Variants in MYH14 observed in about 807,000 individuals in gnomAD.
MYH14 encodes the protein myosin-14.
Under a neutral mutation model 255.5 loss-of-function variants are expected in MYH14, and 123 were observed. The observed-to-expected ratio is 0.48, with a 90% CI of 0.42 to 0.56. The LOEUF (loss-of-function observed/expected upper bound fraction) is 0.56, where lower values mean the gene tolerates loss of function less well. MYH14 is among the 20% of genes least tolerant of loss of function. The pLI is 0.00. For missense variants in MYH14, 2,423 were observed against 2,802.3 expected (o/e 0.86, Z 3.06); for synonymous variants, 1,095 against 1,161.2 (o/e 0.94, Z 1.16).
chr19:50,296,571 C>T (rs977988982), intron 39 of MYH14, among the ~76,000 whole-genome samples: 1 of 152,136 alleles, frequency 6.6e-6, no homozygotes. Flanking sequence ...TGTGCCACTC[C>T]ACTCCAGCCT....
chr19:50,300,535 G>A (rs1349501238), intron 39 of MYH14, among the ~76,000 whole-genome samples: 5 of 152,030 alleles, frequency 3.3e-5, no homozygotes. Context: ...GATCACTTGA[G>A]GTCAGGAGTT....
rs1372234338 is a variant in MYH14 at position 50,244,227 on chromosome 19, T to TCCTTGC, written c.1115-14_1115-9dup. 6.2e-7 allele frequency: 1 copy of TCCTTGC among 1,613,516 alleles called. No homozygotes were observed. Among genetic ancestry groups the TCCTTGC allele is most frequent in the East Asian group, 2.2e-5 (1 of 44,868 alleles). ...GGTCCAGAGCCACACGTGACCTCTGTCCTTGCGTCCCCAGCCATGCTGCGG... is the reference window on the plus strand; with the variant it reads ...GGTCCAGAGCCACACGTGACCTCTGTCCTTGCCCTTGCGTCCCCAGCCATGCTGCGG... On this transcript the variant is annotated splice_polypyrimidine_tract_variant and intron_variant, in intron 10 of 42. Transcript: ENST00000642316.
intron 40 of MYH14, 60 bp from the exon 41 acceptor site, chr19:50,306,989 T>C: frequency 8.0e-7 from 1 of 1,246,820 alleles, no homozygotes; most frequent in Non-Finnish European, 1.1e-6. Flanking sequence ...CATGAGTCTA[T>C]GGGGACAAAA....
chr19:50,265,996 T>G (rs1238224270), intron 22 of MYH14, among the ~76,000 whole-genome samples: 1 of 152,094 alleles, frequency 6.6e-6, no homozygotes, highest in Non-Finnish European at 1.5e-5. Context: ...ATGTGAATGA[T>G]ACCTGCGAAA....
intron 33 of MYH14, among the ~76,000 whole-genome samples, chr19:50,283,293 TG>T (rs2035785832): frequency 1.3e-5 from 2 of 152,156 alleles, no homozygotes; most frequent in South Asian, 4.1e-4. Context: ...CTAATTTTTG[TG>T]TTTTTAATAG....
chr19:50,302,030 C>T (rs986483653), intron 40 of MYH14, among the ~76,000 whole-genome samples, 161 bp downstream of exon 40: 2 of 150,094 alleles, frequency 1.3e-5, no homozygotes, highest in African/African-American at 4.9e-5. Flanking sequence ...GTAATCCCAG[C>T]ACTTTGGGAG....
intron 35 of MYH14, among the ~76,000 whole-genome samples, chr19:50,289,875 T>G (rs1354218151): frequency 2.0e-5 from 3 of 151,944 alleles, no homozygotes; most frequent in Admixed American, 2.0e-4. Context: ...TTTCTGCCAG[T>G]CTCTCGTGCC....
Position 50,230,113 on chromosome 19 carries a change from A to G in MYH14, c.875-412A>G, listed in dbSNP as rs1387979130. 6.6e-6 allele frequency among the ~76,000 whole-genome samples: 1 copy of G among 152,108 alleles called. No individual in the cohort carries two copies. The highest frequency in any genetic ancestry group is 1.5e-5 in the Non-Finnish European group (1 of 68,018). Reference sequence around the variant, plus strand: ...TTTTTAGTAGAGATGGGATTTTGCCATGTTGGCCAGGCTGGTCTTGAACTC... The same window carrying G: ...TTTTTAGTAGAGATGGGATTTTGCCGTGTTGGCCAGGCTGGTCTTGAACTC... On this transcript the variant is annotated intron_variant, in intron 8 of 42. Transcript: ENST00000642316. This position sits in a 1 kb window ranked among gnomAD's most constrained non-coding sequence, Gnocchi z 4.7.
At chr19:50,234,996 G>C (rs2033591869) in intron 10 of MYH14, among the ~76,000 whole-genome samples, 1 of 152,100 alleles carries the variant, frequency 6.6e-6, no homozygotes, top group Admixed American at 6.6e-5. Flanking sequence ...ATAGGAGGAG[G>C]CATTCTCTAA....
At chr19:50,233,840 T>TA (rs2033532430) in intron 10 of MYH14, among the ~76,000 whole-genome samples, 1 of 15,334 alleles carries the variant, frequency 6.5e-5, no homozygotes, top group Admixed American at 7.3e-4. Context: ...AACCTTTTTG[T>TA]TTTTTTGAGA....
At chr19:50,218,190 G>A (rs978250278) in intron 3 of MYH14, among the ~76,000 whole-genome samples, 8 of 152,048 alleles carry the variant, frequency 5.3e-5, no homozygotes, top group Non-Finnish European at 1.0e-4. Context: ...ATGTTGGCCA[G>A]GCTGGTCTCA....
intron 29 of MYH14, among the ~76,000 whole-genome samples, chr19:50,277,406 G>T (rs1317183903): frequency 6.6e-6 from 1 of 152,154 alleles, no homozygotes; most frequent in Non-Finnish European, 1.5e-5. Flanking sequence ...AGGAGTTCGA[G>T]ACCAGCCTGG....
At chr19:50,244,477 G>A in intron 11 of MYH14, 140 bp downstream of exon 11, 1 of 561,030 alleles carries the variant, frequency 1.8e-6, no homozygotes, top group Non-Finnish European at 3.0e-6. Flanking sequence ...CTGATTTCCT[G>A]CATTTTTTTT....
chr19:50,282,042 A>G (rs922902007), intron 33 of MYH14, among the ~76,000 whole-genome samples, 200 bp downstream of exon 33: 5 of 152,242 alleles, frequency 3.3e-5, no homozygotes, highest in African/African-American at 1.2e-4. Context: ...TTGCCACAGC[A>G]TAATTCCTCG....
intron 2 of MYH14, among the ~76,000 whole-genome samples, chr19:50,214,969 C>A (rs1319256217): frequency 6.6e-6 from 1 of 152,084 alleles, no homozygotes; most frequent in Non-Finnish European, 1.5e-5. Flanking sequence ...CCCTCGGTTT[C>A]CCAAGGAGGA....
At chr19:50,261,438 C>T in intron 20 of MYH14, 37 bp from the exon 21 acceptor site, 5 of 1,109,608 alleles carry the variant, frequency 4.5e-6, no homozygotes, top group Non-Finnish European at 5.6e-6. Flanking sequence ...CCCCCATCAC[C>T]CCCTCTCCGT....
chr19:50,255,631 A>G (rs2034566069), intron 17 of MYH14, among the ~76,000 whole-genome samples: 1 of 152,150 alleles, frequency 6.6e-6, no homozygotes, highest in African/African-American at 2.4e-5. Flanking sequence ...TACACAAATG[A>G]GGAAACTAAA....
chr19:50,307,571 G>A (rs1382879603), intron 41 of MYH14, among the ~76,000 whole-genome samples: 1 of 152,194 alleles, frequency 6.6e-6, no homozygotes. Flanking sequence ...GTACAGAAAG[G>A]TGAAGTAACT....
intron 39 of MYH14, among the ~76,000 whole-genome samples, chr19:50,301,370 G>T (rs2036474825): frequency 6.6e-6 from 1 of 152,182 alleles, no homozygotes; most frequent in Admixed American, 6.5e-5. Flanking sequence ...ACAGTCAGAA[G>T]TAGAATTTAT....
Sources: gnomAD v4.1 joint callset for allele counts (sites outside exome capture counted in the v4.1 genomes callset) on GRCh38, gnomAD v4.1.1 for gene constraint, Gnocchi (gnomAD v3.1) non-coding constraint, MANE v1.5 for transcripts, NCBI Gene and HGNC (gene_info 2026-07-23, HGNC 2026-07-21) for gene names.